The following DNAH7 variants were observed in gnomAD, a reference collection of about 807,000 sequenced individuals.
DNAH7 encodes dynein axonemal heavy chain 7, also known as axonemal beta dynein heavy chain 7.
DNAH7 carries 397 observed loss-of-function variants against 444.6 expected under a neutral mutation model. The ratio of observed to expected loss-of-function variants is 0.89; its 90% CI spans 0.82 to 0.97. The LOEUF (loss-of-function observed/expected upper bound fraction) is 0.97, where lower values mean the gene tolerates loss of function less well. Ranked by LOEUF, DNAH7 falls within the 50% of genes least tolerant of loss-of-function variation. DNAH7 has a pLI of 0.00. For missense variants in DNAH7, 4,902 were observed against 4,800.8 expected (o/e 1.02, Z -0.62); for synonymous variants, 1,636 against 1,624.4 (o/e 1.01, Z -0.17).
intron 12 of DNAH7, chr2:195,994,362 G>A (rs1436453222): frequency 4.4e-6 from 3 of 676,410 alleles, no homozygotes; most frequent in Non-Finnish European, 7.5e-6. Context: ...TTGCAGCAGG[G>A]GAGGCAGTAA....
rs1343834320 is a variant in DNAH7, at chr2:195,816,758, A to T, written c.9631T>A (p.Ser3211Thr). The T allele has an allele frequency of 1.9e-6, 3 of 1,614,034 alleles. No individual in the cohort carries two copies. In the South Asian group the frequency reaches 3.3e-5, roughly 18 times the overall value. ...TCAGCAAGAGAAAAAAATAGGATGG[A>T]AGAATGGATGGCAATAGGACGATAG... ...MGYRPIAIHSSILFFSLADLA... is the reference protein window; with the variant it reads ...MGYRPIAIHSTILFFSLADLA... Residue 3211 changes from serine (S) to threonine (T), a missense_variant, in exon 51 of 65, where the codon TCC becomes ACC. Ser to Thr is a moderately conservative substitution (Grantham distance 58, BLOSUM62 1). Transcript: ENST00000312428.
chr2:195,857,973 T>A (rs533976547), intron 43 of DNAH7, among the ~76,000 whole-genome samples: 108 of 152,294 alleles, frequency 7.1e-4, no homozygotes, highest in African/African-American at 2.5e-3. Flanking sequence ...TTTCACATCT[T>A]AACTTTTAAT....
At chr2:195,814,582 G>T (rs755954284) in intron 51 of DNAH7, among the ~76,000 whole-genome samples, 43 of 152,226 alleles carry the variant, frequency 2.8e-4, no homozygotes, top group Non-Finnish European at 5.7e-4. Flanking sequence ...TTCTTCTCTA[G>T]ACTCCAGAAA....
intron 61 of DNAH7, among the ~76,000 whole-genome samples, chr2:195,764,225 A>C (rs576110881): frequency 1.3e-5 from 2 of 152,086 alleles, no homozygotes; most frequent in African/African-American, 4.8e-5. Flanking sequence ...AACTGGGTAT[A>C]GAAGGAACAT....
chr2:195,959,642 C>T (rs908453112), intron 18 of DNAH7, among the ~76,000 whole-genome samples: 11 of 152,256 alleles, frequency 7.2e-5, no homozygotes, highest in African/African-American at 2.6e-4. Flanking sequence ...TTTTGATGGA[C>T]TCTGTTTTTT....
intron 59 of DNAH7, among the ~76,000 whole-genome samples, chr2:195,776,529 G>C (rs886188988): frequency 6.6e-6 from 1 of 151,984 alleles, no homozygotes; most frequent in African/African-American, 2.4e-5. Context: ...TTTTTTAATG[G>C]GGGGGAGGGG....
chr2:196,029,426 T>C (rs1575059664), intron 5 of DNAH7, among the ~76,000 whole-genome samples: 1 of 152,096 alleles, frequency 6.6e-6, no homozygotes, highest in African/African-American at 2.4e-5. Flanking sequence ...GGAATGGCTG[T>C]AGAAGTTCTT....
At chr2:195,846,369 C>A (rs934188982) in intron 46 of DNAH7, among the ~76,000 whole-genome samples, 1 of 152,020 alleles carries the variant, frequency 6.6e-6, no homozygotes, top group Non-Finnish European at 1.5e-5. Flanking sequence ...CAGATGCTGG[C>A]GAGGTCACAG....
intron 12 of DNAH7, among the ~76,000 whole-genome samples, chr2:195,997,197 G>C (rs149808511): frequency 6.1e-4 from 93 of 152,048 alleles, no homozygotes; most frequent in African/African-American, 2.2e-3. Flanking sequence ...CGGATACTAC[G>C]ACTTCAAAAC....
At chr2:195,908,957 T>TA (rs1311667791) in intron 25 of DNAH7, among the ~76,000 whole-genome samples, 1 of 152,196 alleles carries the variant, frequency 6.6e-6, no homozygotes, top group Non-Finnish European at 1.5e-5. Context: ...CTAGTTTGTT[T>TA]ATCTTTTTTA....
chr2:195,743,037 C>A (rs1453807507), intron 63 of DNAH7, among the ~76,000 whole-genome samples: 1 of 152,190 alleles, frequency 6.6e-6, no homozygotes, highest in East Asian at 1.9e-4. Context: ...TAGAATAAAG[C>A]AGGCAGAAGT....
At chr2:195,762,007 A>G (rs1274757085) in intron 61 of DNAH7, among the ~76,000 whole-genome samples, 2 of 152,170 alleles carry the variant, frequency 1.3e-5, no homozygotes, top group African/African-American at 2.4e-5. Context: ...ATGAACAAAT[A>G]AAAAATAATA....
intron 54 of DNAH7, among the ~76,000 whole-genome samples, chr2:195,801,929 G>A (rs192773176): frequency 6.6e-6 from 1 of 152,184 alleles, no homozygotes; most frequent in Non-Finnish European, 1.5e-5. Flanking sequence ...TTCAAATATG[G>A]AAAATGTATA....
intron 2 of DNAH7, among the ~76,000 whole-genome samples, chr2:196,056,409 C>T (rs1354138111): frequency 6.8e-6 from 1 of 147,616 alleles, no homozygotes; most frequent in African/African-American, 2.5e-5. Flanking sequence ...CATGCCACTG[C>T]ACTCTGTCTG....
chr2:195,848,868 G>C (rs955455527), intron 46 of DNAH7, among the ~76,000 whole-genome samples: 4 of 152,158 alleles, frequency 2.6e-5, no homozygotes, highest in Non-Finnish European at 5.9e-5. Context: ...TGGTTGGGGT[G>C]AGGGCTTAGC....
At position 195,900,367 on chromosome 2, in the gene DNAH7, C is replaced by G; in HGVS notation, c.4463G>C (p.Cys1488Ser). 2 of 1,614,032 alleles carry G rather than the reference C, an allele frequency of 1.2e-6. No individual in the cohort carries two copies. The highest frequency in any genetic ancestry group is 2.2e-5 in the South Asian group (2 of 91,080). Residue 1488 changes from cysteine to serine, a missense_variant, in exon 28 of 65, where the codon TGT becomes TCT. Physicochemically the swap from Cys to Ser is moderately radical, Grantham distance 112. Transcript: ENST00000312428. ...ATGTTGAGATGACAGCTGCTCTGAA[C>G]ACAAGCGATACGTAGCCACAATTTT... ...SVKIVATYRL[C>S]SEQLSSQHHY...
At chr2:195,888,531 G>C (rs545922947) in intron 32 of DNAH7, 97 bp from the exon 33 acceptor site, 2 of 1,256,008 alleles carry the variant, frequency 1.6e-6, no homozygotes, top group African/African-American at 3.1e-5. Context: ...GCAAAGTCTT[G>C]GGCGGGGGGA....
chr2:195,940,478 T>C (rs904646373), intron 19 of DNAH7, among the ~76,000 whole-genome samples: 12 of 152,108 alleles, frequency 7.9e-5, no homozygotes, highest in African/African-American at 2.4e-4. Context: ...AAAGACTTCA[T>C]TGGCTAAAAC....
At chr2:195,883,461 C>CG (rs1559181782) in intron 35 of DNAH7, among the ~76,000 whole-genome samples, 9 of 140,880 alleles carry the variant, frequency 6.4e-5, no homozygotes, top group African/African-American at 2.7e-4. Flanking sequence ...TCCCCCCCCC[C>CG]AAAAAAAAAG....
Sources: gnomAD v4.1 joint callset for allele counts (sites outside exome capture counted in the v4.1 genomes callset) on GRCh38, gnomAD v4.1.1 for gene constraint, MANE v1.5 for transcripts, NCBI Gene and HGNC (gene_info 2026-07-23, HGNC 2026-07-21) for gene names.